The following FBXO24 variants were observed in gnomAD, a reference collection of about 807,000 sequenced individuals.
FBXO24 encodes the protein F-box only protein 24.
In FBXO24, 30 loss-of-function variants were observed where a neutral mutation model predicts 63.5. The ratio of observed to expected loss-of-function variants is 0.47; its 90% CI spans 0.35 to 0.64. The LOEUF (loss-of-function observed/expected upper bound fraction) is 0.64, where lower values mean the gene tolerates loss of function less well. FBXO24 is among the 30% of genes least tolerant of loss of function. The pLI is 0.00. For missense variants in FBXO24, 624 were observed against 763.4 expected (o/e 0.82, Z 2.15); for synonymous variants, 300 against 305.0 (o/e 0.98, Z 0.17).
At chr7:100,593,781 AG>A (rs1205520671) in intron 5 of FBXO24, among the ~76,000 whole-genome samples, 1 of 136,000 alleles carries the variant, frequency 7.4e-6, no homozygotes, top group Non-Finnish European at 1.5e-5. Context: ...TGGGTGACAG[AG>A]TGAGACTCCA....
intron 7 of FBXO24, 95 bp from the exon 8 acceptor site, chr7:100,595,480 G>C: frequency 7.1e-7 from 1 of 1,414,232 alleles, no homozygotes; most frequent in South Asian, 1.4e-5. Flanking sequence ...AAAGAGATCA[G>C]CTGGGGATGG....
intron 1 of FBXO24, among the ~76,000 whole-genome samples, chr7:100,587,787 G>T (rs902703619): frequency 6.6e-6 from 1 of 151,608 alleles, no homozygotes; most frequent in Admixed American, 6.6e-5. Context: ...TTTTTGTAGA[G>T]ATGGGGTTTT....
chr7:100,597,605 G>C (rs564485296), intron 8 of FBXO24, among the ~76,000 whole-genome samples: 41 of 152,184 alleles, frequency 2.7e-4, no homozygotes, highest in African/African-American at 9.9e-4. Flanking sequence ...TGTTGGCCAG[G>C]CTGGTCTCAA....
chr7:100,589,503 C>A, intron 1 of FBXO24: 1 of 1,344,516 alleles, frequency 7.4e-7, no homozygotes, highest in Non-Finnish European at 9.6e-7. Flanking sequence ...AGAGATGGGT[C>A]CTGGGCAAGA....
chr7:100,592,786 G>A lies in FBXO24; in HGVS notation c.562G>A (p.Ala188Thr). The change falls in exon 5 of 10, where the codon GCC (alanine) becomes ACC (threonine). Residue 188 changes from alanine to threonine, a missense_variant. By Grantham distance (58) the Ala-to-Thr change is moderately conservative. Transcript: ENST00000241071. ...VVLCRGAKDF[A>T]SDPRCDTVYR... ...ACGCCCTCATCTTTTCCCCCAGTTT[G>A]CCTCGGACCCAAGGTGTGACACAGT... is the stretch of plus-strand genomic sequence containing the variant. 6.2e-7 allele frequency: 1 copy of A among 1,613,258 alleles called. No individual in the cohort carries two copies. Among genetic ancestry groups the A allele is most frequent in the Non-Finnish European group, 8.5e-7 (1 of 1,179,518 alleles).
At position 100,601,114 on chromosome 7, in the gene FBXO24, C is replaced by G; in HGVS notation, c.*215C>G. 1 of 228,170 alleles carries G rather than the reference C, an allele frequency of 4.4e-6. No individual in the cohort carries two copies. The highest frequency in any genetic ancestry group is 6.8e-5 in the South Asian group (1 of 14,610). The allele number at this position is 228,170 out of a possible 1,614,324, so 14.1% of individuals were successfully genotyped here. On this transcript the variant is annotated 3_prime_UTR_variant, in exon 10 of 10. Transcript: ENST00000241071. ...TGATGGATAGAATAAAAGGCTGCAGCGAGGCCTGGTGTGGAAGCCTTGGGG... is the reference window on the plus strand; with the variant it reads ...TGATGGATAGAATAAAAGGCTGCAGGGAGGCCTGGTGTGGAAGCCTTGGGG...
Position 100,595,199 on chromosome 7 carries a change from G to C in FBXO24, c.1050G>C (p.Pro350=), listed in dbSNP as rs142588651. 6.2e-7 allele frequency: 1 copy of C among 1,614,082 alleles called. No individual in the cohort carries two copies. Among genetic ancestry groups the C allele is most frequent in the Non-Finnish European group, 8.5e-7 (1 of 1,179,994 alleles). ...TTGACCCCCTGGACCAGCAGATGCC[G>C]CTTGCTCTCTCACTGCCTGCCAAGG... ...QAFDPLDQQM[P]LALSLPAKIL... Residue 350 remains proline, a synonymous_variant, in exon 7 of 10, where the codon CCG becomes CCC. Transcript: ENST00000241071.
At chr7:100,586,697 T>G (rs763856873) in intron 1 of FBXO24, 33 bp downstream of exon 1, 6 of 1,613,508 alleles carry the variant, frequency 3.7e-6, no homozygotes, top group Non-Finnish European at 5.1e-6. Flanking sequence ...AGGTTAAGAA[T>G]GAACGCGGAG....
In FBXO24 at chr7:100,601,096, T is replaced by G; in HGVS notation, c.*197T>G. The G allele has an allele frequency of 2.1e-6, 1 of 475,844 alleles. No individual in the cohort carries two copies. Among genetic ancestry groups the G allele is most frequent in the Non-Finnish European group, 3.3e-6 (1 of 303,714 alleles). 29.5% of individuals were successfully genotyped at this position (475,844 alleles called of 1,614,324 possible). Reference sequence around the variant, plus strand: ...TATCATGGACAAGAGATTTGATGGATAGAATAAAAGGCTGCAGCGAGGCCT... The same window carrying G: ...TATCATGGACAAGAGATTTGATGGAGAGAATAAAAGGCTGCAGCGAGGCCT... On this transcript the variant is annotated 3_prime_UTR_variant, in exon 10 of 10. Transcript: ENST00000241071.
At position 100,594,952 on chromosome 7, in the gene FBXO24, AG is replaced by A; in HGVS notation, c.953-149del. 1 of 1,128,070 alleles carries A rather than the reference AG, an allele frequency of 8.9e-7. No individual in the cohort carries two copies. The highest frequency in any genetic ancestry group is 1.3e-6 in the Non-Finnish European group (1 of 797,696). The allele number at this position is 1,128,070 out of a possible 1,614,324, so 69.9% of individuals were successfully genotyped here. On this transcript the variant is annotated intron_variant, in intron 6 of 9. Transcript: ENST00000241071. This position sits in a 1 kb window ranked among gnomAD's most constrained non-coding sequence, Gnocchi z 4.2. ...TGACCGAGGGAGACTCGGTCTCAAA[AG>A]ATGTGTTTTCAGTTCCCAGGCATCA...
chr7:100,590,210 C>T lies in FBXO24; in HGVS notation c.175C>T (p.Leu59Phe), dbSNP rs771440720. 8 of 1,613,966 alleles carry T rather than the reference C, an allele frequency of 5.0e-6. No homozygotes were observed. Among genetic ancestry groups the T allele is most frequent in the Admixed American group, 1.7e-5 (1 of 59,984 alleles). The change falls in exon 3 of 10, where the codon CTT becomes TTT. Residue 59 changes from leucine to phenylalanine, a missense_variant. By Grantham distance (22) the Leu-to-Phe change is conservative (BLOSUM62 0). Coordinates refer to ENST00000241071, the MANE Select transcript of FBXO24 (RefSeq NM_033506.3). ...HIISFLPVRD[L>F]VALGQTCRYF... ...CATCTCATTCCTCCCAGTCAGAGAC[C>T]TTGTTGCCCTCGGCCAGACCTGCCG...
At chr7:100,591,341 A>C (rs1802014590) in intron 3 of FBXO24, among the ~76,000 whole-genome samples, 1 of 152,004 alleles carries the variant, frequency 6.6e-6, no homozygotes, top group South Asian at 2.1e-4. Context: ...GCTCAGGGTG[A>C]GGGGGGTGGA....
At chr7:100,588,080 T>C (rs1243645789) in intron 1 of FBXO24, among the ~76,000 whole-genome samples, 1 of 152,150 alleles carries the variant, frequency 6.6e-6, no homozygotes, top group East Asian at 1.9e-4. Context: ...GGTCCTACTA[T>C]GTTGCCCAGG....
In FBXO24 at chr7:100,600,238, G is replaced by T. The variant is rs1472470977; in HGVS notation, c.1377+37G>T. On this transcript the variant is annotated intron_variant, in intron 9 of 9. Transcript: ENST00000241071. This position sits in a 1 kb window ranked among gnomAD's most constrained non-coding sequence, Gnocchi z 6.3. ...GTCAGGAGAGTGGGCACCCAGGGAG[G>T]ATGAGAGCCATGAACCAGGAAGCCC... The T allele has an allele frequency of 2.7e-6, 4 of 1,481,736 alleles. No individual in the cohort carries two copies. Among genetic ancestry groups the T allele is most frequent in the Non-Finnish European group, 3.6e-6 (4 of 1,111,332 alleles). 91.8% of individuals were successfully genotyped at this position (1,481,736 alleles called of 1,614,324 possible). A position where few individuals can be genotyped will look rare whatever the true frequency, so the allele number is the denominator to read the frequency against.
intron 8 of FBXO24, 133 bp from the exon 9 acceptor site, chr7:100,599,898 G>A (rs892763051): frequency 2.0e-5 from 20 of 999,212 alleles, no homozygotes; most frequent in Middle Eastern, 3.2e-4. Context: ...GACCTGGGGC[G>A]TGGGACAGTG....
At chr7:100,599,967 T>TGCCCC in intron 8 of FBXO24, 64 bp from the exon 9 acceptor site, 9 of 1,496,764 alleles carry the variant, frequency 6.0e-6, no homozygotes, top group African/African-American at 1.4e-5. Context: ...GTCAACCTTT[T>TGCCCC]CCCACCCCAG....
intron 4 of FBXO24, 76 bp downstream of exon 4, chr7:100,591,978 A>T: frequency 6.9e-7 from 1 of 1,457,962 alleles, no homozygotes. Flanking sequence ...GACGTACCAG[A>T]GGCCGGGTGC....
intron 8 of FBXO24, 49 bp downstream of exon 8, chr7:100,595,755 C>T: frequency 6.5e-7 from 1 of 1,533,552 alleles, no homozygotes; most frequent in Middle Eastern, 1.8e-4. Flanking sequence ...TCCTCCAATT[C>T]CCTAACCCCC....
chr7:100,595,955 G>A (rs541155757), intron 8 of FBXO24, among the ~76,000 whole-genome samples: 1 of 152,264 alleles, frequency 6.6e-6, no homozygotes, highest in South Asian at 2.1e-4. Flanking sequence ...GGGTGACCTG[G>A]GCAGGCTAGA....
Sources: allele counts gnomAD v4.1 joint callset (sites outside exome capture counted in the v4.1 genomes callset), GRCh38; gene constraint gnomAD v4.1.1; non-coding constraint Gnocchi (gnomAD v3.1); transcripts MANE v1.5; gene names NCBI Gene and HGNC (gene_info 2026-07-23, HGNC 2026-07-21).